MRPS35: variants seen among roughly 807,000 people sequenced by gnomAD.
The protein encoded by MRPS35 is mitochondrial ribosomal protein S35.
In MRPS35, 29 loss-of-function variants were observed where a neutral mutation model predicts 32.7. The ratio of observed to expected loss-of-function variants is 0.89; its 90% CI spans 0.66 to 1.21. The LOEUF (loss-of-function observed/expected upper bound fraction) is 1.21. MRPS35 is among the 50% of genes most tolerant of loss of function. The pLI, the probability that MRPS35 is intolerant of heterozygous loss-of-function variation, is 0.00. For missense variants in MRPS35, 373 were observed against 383.8 expected, an observed-to-expected ratio of 0.97 and a Z score of 0.23; for synonymous variants, 148 against 139.3, an observed-to-expected ratio of 1.06 and a Z score of -0.44.
intron 5 of MRPS35, among the ~76,000 whole-genome samples, chr12:27,726,529 T>C (rs2061901263): frequency 6.6e-6 from 1 of 152,146 alleles, no homozygotes; most frequent in African/African-American, 2.4e-5. Flanking sequence ...CTGAGTTGCA[T>C]GGCACCTCCA....
intron 7 of MRPS35, among the ~76,000 whole-genome samples, chr12:27,749,629 T>A (rs1453793046): frequency 6.6e-6 from 1 of 152,234 alleles, no homozygotes; most frequent in African/African-American, 2.4e-5. Context: ...GAAGCCATTC[T>A]GCAGGTTTGT....
chr12:27,742,144 G>T (rs994443153), intron 7 of MRPS35, among the ~76,000 whole-genome samples: 1 of 152,114 alleles, frequency 6.6e-6, no homozygotes, highest in African/African-American at 2.4e-5. Context: ...CTAAGAGTTC[G>T]TTTTAAAGGG....
chr12:27,729,890 A>G (rs1333076648), intron 5 of MRPS35, among the ~76,000 whole-genome samples: 1 of 152,244 alleles, frequency 6.6e-6, no homozygotes, highest in African/African-American at 2.4e-5. Context: ...ATTTGAAGTC[A>G]CTGTTTGTTT....
intron 7 of MRPS35, among the ~76,000 whole-genome samples, chr12:27,751,133 A>G (rs942816662): frequency 2.7e-5 from 4 of 147,886 alleles, no homozygotes; most frequent in Admixed American, 2.0e-4. Context: ...AAAAGAAAAG[A>G]AAAGAAAAAG....
rs1418666444 is a variant in MRPS35, at chr12:27,748,744, C to G, written c.703-6437C>G. On this transcript the variant is annotated intron_variant, in intron 7 of 7. Coordinates refer to ENST00000081029, the MANE Select transcript of MRPS35 (RefSeq NM_021821.4). ...GGAGTGCAGTGGTGTAATCTCGGCT[C>G]ACAGCAACCTCAGCCTCTTGGGCTC... Among the ~76,000 whole-genome samples the G allele has an allele frequency of 2.0e-5, 3 of 151,876 alleles. No homozygotes were observed. In the East Asian group the frequency reaches 5.8e-4, roughly 29 times the overall value.
chr12:27,717,944 T>C (rs2061857695), intron 3 of MRPS35, among the ~76,000 whole-genome samples: 1 of 152,222 alleles, frequency 6.6e-6, no homozygotes, highest in Non-Finnish European at 1.5e-5. Context: ...CCTTTCATGA[T>C]ATTTGAGTTT....
intron 5 of MRPS35, among the ~76,000 whole-genome samples, chr12:27,734,939 C>T (rs1050284354): frequency 1.3e-5 from 2 of 152,086 alleles, no homozygotes; most frequent in Admixed American, 1.3e-4. Context: ...TTGATCCTTC[C>T]CTGATGCTGT....
intron 3 of MRPS35, among the ~76,000 whole-genome samples, chr12:27,718,259 T>C (rs550425965): frequency 6.6e-6 from 1 of 152,204 alleles, no homozygotes; most frequent in Admixed American, 6.5e-5. Context: ...ACCCCATCTC[T>C]ACTAAAACTA....
At chr12:27,714,451 T>C (rs1412243370) in intron 1 of MRPS35, among the ~76,000 whole-genome samples, 1 of 151,688 alleles carries the variant, frequency 6.6e-6, no homozygotes, top group Non-Finnish European at 1.5e-5. Context: ...CCAGGTGTGG[T>C]GGGGTGTACT....
chr12:27,724,630 C>A (rs7978238), intron 5 of MRPS35, among the ~76,000 whole-genome samples: 1 of 151,642 alleles, frequency 6.6e-6, no homozygotes, highest in African/African-American at 2.4e-5. Flanking sequence ...GTAATCCCAT[C>A]TACTCCGGAG....
At chr12:27,729,082 G>A (rs2061911356) in intron 5 of MRPS35, among the ~76,000 whole-genome samples, 1 of 152,086 alleles carries the variant, frequency 6.6e-6, no homozygotes, top group Admixed American at 6.5e-5. Context: ...TGGATATCAA[G>A]TAAAATCATT....
At chr12:27,720,646 A>G (rs932801709) in intron 4 of MRPS35, among the ~76,000 whole-genome samples, 1 of 151,820 alleles carries the variant, frequency 6.6e-6, no homozygotes, top group African/African-American at 2.4e-5. Context: ...ACTCTGTAGT[A>G]TATATATTTA....
At chr12:27,717,020 C>G (rs543964325) in intron 3 of MRPS35, among the ~76,000 whole-genome samples, 2 of 151,914 alleles carry the variant, frequency 1.3e-5, no homozygotes, top group African/African-American at 4.8e-5. Context: ...ATTAGTCAAT[C>G]TTGTGGCTTC....
intron 7 of MRPS35, among the ~76,000 whole-genome samples, chr12:27,749,776 T>G (rs1259763294): frequency 6.6e-6 from 1 of 152,236 alleles, no homozygotes; most frequent in Admixed American, 6.5e-5. Context: ...TAATGTTTAC[T>G]ATGAGCCAGG....
At chr12:27,738,830 T>C (rs539569197) in intron 7 of MRPS35, among the ~76,000 whole-genome samples, 8 of 151,746 alleles carry the variant, frequency 5.3e-5, no homozygotes, top group African/African-American at 1.7e-4. Flanking sequence ...GGAAGAGGGC[T>C]TACATTTGTT....
At chr12:27,728,343 C>CCCAT (rs1216481783) in intron 5 of MRPS35, among the ~76,000 whole-genome samples, 1 of 151,970 alleles carries the variant, frequency 6.6e-6, no homozygotes, top group Non-Finnish European at 1.5e-5. Flanking sequence ...ATAATAAATA[C>CCCAT]CCATACACAT....
At chr12:27,734,126 CT>C (rs1335593224) in intron 5 of MRPS35, among the ~76,000 whole-genome samples, 6 of 152,008 alleles carry the variant, frequency 3.9e-5, no homozygotes, top group South Asian at 2.1e-4. Context: ...TCCTATTTAG[CT>C]TTTTTTCTTC....
intron 3 of MRPS35, among the ~76,000 whole-genome samples, chr12:27,717,384 A>G (rs2061855201): frequency 6.6e-6 from 1 of 152,258 alleles, no homozygotes; most frequent in African/African-American, 2.4e-5. Context: ...AAAATAGGTT[A>G]AGGCAAATGC....
chr12:27,711,925 C>T (rs1388284811), intron 1 of MRPS35, among the ~76,000 whole-genome samples: 1 of 142,260 alleles, frequency 7.0e-6, no homozygotes, highest in East Asian at 2.1e-4. Flanking sequence ...CTATTGTATA[C>T]CATGCAGTGT....
Sources: allele counts gnomAD v4.1 joint callset (sites outside exome capture counted in the v4.1 genomes callset), GRCh38; gene constraint gnomAD v4.1.1; transcripts MANE v1.5; gene names NCBI Gene and HGNC (gene_info 2026-07-23, HGNC 2026-07-21).